The following JAKMIP3 variants were observed in gnomAD, a reference collection of about 807,000 sequenced individuals.
JAKMIP3 encodes janus kinase and microtubule-interacting protein 3.
In JAKMIP3, 58 loss-of-function variants were observed where a neutral mutation model predicts 118.5. That is an observed-to-expected ratio of 0.49 (90% CI 0.40 to 0.61). The LOEUF (loss-of-function observed/expected upper bound fraction) is 0.61, where lower values mean the gene tolerates loss of function less well. JAKMIP3 is among the 20% of genes least tolerant of loss of function. The probability of loss-of-function intolerance (pLI) is 0.00; values close to 1 mark genes in which losing one functional copy is unlikely to be tolerated. For missense variants in JAKMIP3, 950 were observed against 1,109.0 expected, an observed-to-expected ratio of 0.86 and a Z score of 2.04; for synonymous variants, 486 against 451.2, an observed-to-expected ratio of 1.08 and a Z score of -0.98.
chr10:132,180,770 C>T lies in JAKMIP3; in HGVS notation c.*1104-1587C>T, dbSNP rs201729552. 1.8e-3 allele frequency among the ~76,000 whole-genome samples: 92 copies of T among 52,210 alleles called. 23 individuals carry two copies. Among genetic ancestry groups the T allele is most frequent in the Non-Finnish European group, 2.1e-3 (65 of 30,522 alleles). The allele number at this position is 52,210 out of a possible 152,430, so 34.3% of individuals were successfully genotyped here. A position where few individuals can be genotyped will look rare whatever the true frequency, so the allele number is the denominator to read the frequency against. On this transcript the variant is annotated intron_variant, in intron 23 of 23. Transcript: ENST00000684848. ...GCGCGCGCGTGTGTGCGTGTGTGTG[C>T]GTGTGTGTGTGTGCGCGTATGCATG...
intron 23 of JAKMIP3, among the ~76,000 whole-genome samples, chr10:132,171,712 C>T (rs1051804768): frequency 4.1e-5 from 6 of 145,750 alleles, no homozygotes; most frequent in Admixed American, 1.4e-4. Flanking sequence ...AGTTCAGTGG[C>T]GCGATCTCGG....
At chr10:132,174,440 C>T (rs1265473924) in intron 23 of JAKMIP3, among the ~76,000 whole-genome samples, 7 of 151,916 alleles carry the variant, frequency 4.6e-5, no homozygotes, top group Non-Finnish European at 1.0e-4. Context: ...GCTCCGTGGG[C>T]TCTGTGGGCT....
chr10:132,037,320 C>G lies in JAKMIP3; in HGVS notation c.-138+582C>G, dbSNP rs190407790. 2.0e-3 allele frequency among the ~76,000 whole-genome samples: 308 copies of G among 152,258 alleles called. 1 individual carries two copies. Among genetic ancestry groups the G allele is most frequent in the African/African-American group, 6.8e-3 (282 of 41,550 alleles). ...GAGTTGGAGCGGCTCCCTCCTGCCC[C>G]CGTCTGAGGTCTGGCTGGCTGTTTT... On this transcript the variant is annotated intron_variant, in intron 1 of 23. Coordinates refer to the JAKMIP3 transcript ENST00000657785.
intron 23 of JAKMIP3, among the ~76,000 whole-genome samples, chr10:132,177,266 G>A (rs913690512): frequency 6.6e-6 from 1 of 152,248 alleles, no homozygotes; most frequent in Non-Finnish European, 1.5e-5. Context: ...TTCAGAAAGG[G>A]TAGCTGGGCA....
At position 132,044,614 on chromosome 10, in the gene JAKMIP3, T is replaced by G. The variant is rs2133776942; in HGVS notation, c.-138+7876T>G. 6.6e-6 allele frequency among the ~76,000 whole-genome samples: 1 copy of G among 152,230 alleles called. No individual in the cohort carries two copies. The highest frequency in any genetic ancestry group is 1.9e-4 in the East Asian group (1 of 5,178). On this transcript the variant is annotated intron_variant, in intron 1 of 23. Transcript: ENST00000657785. This position sits in a 1 kb window ranked among gnomAD's most constrained non-coding sequence, Gnocchi z 5.3. ...CAGGCTGGGGTCCTGGCGCGGGCTC[T>G]TCCTCAGGGCAGCAGGACGCCACCA...
intron 1 of JAKMIP3, among the ~76,000 whole-genome samples, chr10:132,100,164 G>GCCCCCACATGGAC (rs1554929289): frequency 2.7e-5 from 4 of 149,918 alleles, no homozygotes; most frequent in Non-Finnish European, 4.5e-5. Context: ...GCCCTCACAG[G>GCCCCCACATGGAC]CCCCCACACG....
intron 19 of JAKMIP3, 138 bp downstream of exon 19, chr10:132,154,128 C>A (rs555573475): frequency 5.0e-5 from 34 of 684,808 alleles, no homozygotes; most frequent in Non-Finnish European, 2.5e-6. Flanking sequence ...ATGACACCTG[C>A]ACAGCAGGCT....
intron 12 of JAKMIP3, 108 bp downstream of exon 12, chr10:132,145,298 T>C: frequency 1.9e-6 from 2 of 1,040,164 alleles, no homozygotes; most frequent in East Asian, 2.6e-5. Context: ...TCTACAGCCT[T>C]GACCTCCTGG....
chr10:132,129,430 G>A (rs2050171987), intron 3 of JAKMIP3, among the ~76,000 whole-genome samples: 1 of 152,186 alleles, frequency 6.6e-6, no homozygotes, highest in Non-Finnish European at 1.5e-5. Flanking sequence ...AGTGGACCAG[G>A]GACCTGAGGG....
At chr10:132,059,945 G>A (rs370147410), upstream of JAKMIP3, among the ~76,000 whole-genome samples, 35 of 152,320 alleles carry the variant, frequency 2.3e-4, no homozygotes, top group African/African-American at 8.2e-4. Flanking sequence ...GTGAGCCCTG[G>A]AGCCACAGCC....
intron 2 of JAKMIP3, among the ~76,000 whole-genome samples, chr10:132,108,929 G>GCAAATGTATATATAAATTATATACA (rs1564907804): frequency 7.0e-6 from 1 of 143,036 alleles, no homozygotes; most frequent in African/African-American, 2.8e-5. Context: ...AATTATATAC[G>GCAAATGTATATATAAATTATATACA]CAAATGTATA....
intron 2 of JAKMIP3, among the ~76,000 whole-genome samples, chr10:132,106,892 T>C (rs2045994560): frequency 1.3e-5 from 2 of 152,096 alleles, no homozygotes; most frequent in African/African-American, 4.8e-5. Flanking sequence ...AACAATTATC[T>C]TTTTTTAAAA....
intron 3 of JAKMIP3, among the ~76,000 whole-genome samples, chr10:132,125,872 T>G (rs2049445431): frequency 6.6e-6 from 1 of 152,224 alleles, no homozygotes; most frequent in Non-Finnish European, 1.5e-5. Flanking sequence ...TAACAGCTTG[T>G]TTGTATATTT....
At chr10:132,093,625 G>T (rs1396319670) in intron 1 of JAKMIP3, among the ~76,000 whole-genome samples, 1 of 152,164 alleles carries the variant, frequency 6.6e-6, no homozygotes, top group African/African-American at 2.4e-5. Flanking sequence ...AATTTTCCAG[G>T]TGCTGTCCAT....
intron 3 of JAKMIP3, among the ~76,000 whole-genome samples, chr10:132,125,198 TTTTCTC>T (rs2049288507): frequency 6.6e-6 from 1 of 152,242 alleles, no homozygotes; most frequent in Non-Finnish European, 1.5e-5. Flanking sequence ...GCCTTATTGT[TTTTCTC>T]TTAACATTTA....
rs897662960 is a variant in JAKMIP3 at position 132,179,664 on chromosome 10, C to T, written c.*1104-2693C>T. Reference sequence around the variant, plus strand: ...GAGACCACCTGCATCTCTGGGGACTCGCTAGGATTCACAGGACTCAGCACA... The same window carrying T: ...GAGACCACCTGCATCTCTGGGGACTTGCTAGGATTCACAGGACTCAGCACA... On this transcript the variant is annotated intron_variant, in intron 23 of 23. Transcript: ENST00000684848. The surrounding 1 kb of genome is among the most constrained non-coding windows in gnomAD (Gnocchi z 4.3). 1.3e-5 allele frequency among the ~76,000 whole-genome samples: 2 copies of T among 151,896 alleles called. No individual in the cohort carries two copies. The highest frequency in any genetic ancestry group is 2.9e-5 in the Non-Finnish European group (2 of 67,970).
intron 6 of JAKMIP3, 33 bp downstream of exon 6, chr10:132,136,109 T>C: frequency 6.2e-7 from 1 of 1,608,376 alleles, no homozygotes; most frequent in Non-Finnish European, 8.5e-7. Flanking sequence ...GGGGCCACGG[T>C]CGCACCCGAG....
At chr10:132,043,834 T>A (rs529734691) in intron 1 of JAKMIP3, among the ~76,000 whole-genome samples, 1 of 152,238 alleles carries the variant, frequency 6.6e-6, no homozygotes, top group Non-Finnish European at 1.5e-5. Flanking sequence ...TCTCCTGGGT[T>A]GTTTTCCTTA....
chr10:132,040,844 C>T (rs1463812888), intron 1 of JAKMIP3, among the ~76,000 whole-genome samples: 1 of 152,116 alleles, frequency 6.6e-6, no homozygotes, highest in Admixed American at 6.5e-5. Context: ...GTTGAGAGCT[C>T]CCACTTCCTA....
Sources: allele counts gnomAD v4.1 joint callset (sites outside exome capture counted in the v4.1 genomes callset), GRCh38; gene constraint gnomAD v4.1.1; non-coding constraint Gnocchi (gnomAD v3.1); transcripts MANE v1.5; gene names NCBI Gene and HGNC (gene_info 2026-07-23, HGNC 2026-07-21).